PCNT: variants seen among roughly 807,000 people sequenced by gnomAD.
The protein encoded by PCNT is pericentrin, also known as kendrin.
Under a neutral mutation model 380.4 loss-of-function variants are expected in PCNT, and 319 were observed. The observed-to-expected ratio is 0.84, with a 90% CI of 0.77 to 0.92. The LOEUF (loss-of-function observed/expected upper bound fraction) is 0.92. Ranked by LOEUF, PCNT falls within the 40% of genes least tolerant of loss-of-function variation. The pLI is 0.00. For synonymous variants in PCNT, 1,845 were observed against 1,735.2 expected (o/e 1.06, Z -1.57); for missense variants, 4,400 against 4,255.3 (o/e 1.03, Z -0.95).
At chr21:46,408,875 C>T (rs1223135488) in intron 27 of PCNT, among the ~76,000 whole-genome samples, 1 of 151,500 alleles carries the variant, frequency 6.6e-6, no homozygotes, top group Non-Finnish European at 1.5e-5. Context: ...GGCGCCGCCA[C>T]CACACCCAGC....
intron 3 of PCNT, among the ~76,000 whole-genome samples, chr21:46,340,283 A>T (rs2083876686): frequency 6.6e-6 from 1 of 152,204 alleles, no homozygotes; most frequent in Non-Finnish European, 1.5e-5. Context: ...GGCCCCTCCC[A>T]TGACACGTGG....
At chr21:46,444,620 C>T in intron 45 of PCNT, 74 bp from the exon 46 acceptor site, 1 of 1,552,262 alleles carries the variant, frequency 6.4e-7, no homozygotes. Flanking sequence ...CACTCAGTCA[C>T]CATGGCTCCG....
chr21:46,397,557 C>G lies in PCNT; in HGVS notation c.4446+63C>G, dbSNP rs925049027. The G allele has an allele frequency of 3.0e-6, 4 of 1,347,464 alleles. No homozygotes were observed. In the African/African-American group the frequency reaches 4.3e-5, roughly 14 times the overall value. The allele number at this position is 1,347,464 out of a possible 1,614,324, so 83.5% of individuals were successfully genotyped here. A position where few individuals can be genotyped will look rare whatever the true frequency, so the allele number is the denominator to read the frequency against. ...AAAGTTGCCGTTACAGCATGAACTT[C>G]TTTCCAGATCGTTACGTAAGCTTCT... On this transcript the variant is annotated intron_variant, in intron 22 of 46. Coordinates refer to ENST00000359568, the MANE Select transcript of PCNT (RefSeq NM_006031.6).
chr21:46,349,859 A>T, intron 8 of PCNT, 39 bp downstream of exon 8: 1 of 1,601,860 alleles, frequency 6.2e-7, no homozygotes, highest in Non-Finnish European at 8.6e-7. Context: ...TTGGTATATT[A>T]GGGAAGTTTT....
chr21:46,428,215 A>G (rs1204950503), intron 34 of PCNT, among the ~76,000 whole-genome samples, 180 bp from the exon 35 acceptor site: 2 of 152,210 alleles, frequency 1.3e-5, no homozygotes, highest in Non-Finnish European at 2.9e-5. Flanking sequence ...CACGCAGGGT[A>G]GTGCAGCCCA....
chr21:46,407,738 T>C (rs760544525), intron 27 of PCNT, among the ~76,000 whole-genome samples: 77 of 152,232 alleles, frequency 5.1e-4, no homozygotes, highest in Non-Finnish European at 9.3e-4. Context: ...CTCCTTTTAT[T>C]CCTGATATTA....
At chr21:46,379,316 G>A (rs1359217728) in intron 15 of PCNT, among the ~76,000 whole-genome samples, 4 of 152,022 alleles carry the variant, frequency 2.6e-5, no homozygotes, top group African/African-American at 7.2e-5. Context: ...GTCGTGAGCC[G>A]CACCCATCTT....
At position 46,380,145 on chromosome 21, in the gene PCNT, A is replaced by ATTTTTTTTT. The variant is rs552854585; in HGVS notation, c.3166-1519_3166-1511dup. ...GTTTCCAACCGGTGCCCTGGGGTAG[A>ATTTTTTTTT]TTTTTTTTTTTTTTTTTTTTTTTTT... On this transcript the variant is annotated intron_variant, in intron 15 of 46. Transcript: ENST00000359568. 8.4e-5 allele frequency among the ~76,000 whole-genome samples: 5 copies of ATTTTTTTTT among 59,712 alleles called. 1 individual carries two copies. The highest frequency in any genetic ancestry group is 1.4e-4 in the Non-Finnish European group (5 of 34,980). The allele number at this position is 59,712 out of a possible 152,430, so 39.2% of individuals were successfully genotyped here.
At position 46,381,730 on chromosome 21, in the gene PCNT, GA is replaced by G; in HGVS notation, c.3207del (p.Glu1070ArgfsTer36). On this transcript the variant is annotated frameshift_variant, in exon 16 of 47. Coordinates refer to ENST00000359568, the MANE Select transcript of PCNT (RefSeq NM_006031.6). LOFTEE classifies it high-confidence loss of function. ...FGSEKKTALH[E>X]KEETLRLQSA... ...AAGTGAAAAGAAAACTGCTTTGCAT[GA>G]AAAAGAGGAGACACTTCGGCTTCAG... is the stretch of plus-strand genomic sequence containing the variant. The G allele has an allele frequency of 6.2e-7, 1 of 1,614,140 alleles. No homozygotes were observed. The highest frequency in any genetic ancestry group is 8.5e-7 in the Non-Finnish European group (1 of 1,179,956).
intron 31 of PCNT, among the ~76,000 whole-genome samples, chr21:46,421,708 G>C (rs908778403): frequency 6.6e-6 from 1 of 152,234 alleles, no homozygotes; most frequent in Non-Finnish European, 1.5e-5. Flanking sequence ...GGTCCCCTAA[G>C]ATTGGCGCTG....
rs1722483800 is a variant in PCNT, at chr21:46,389,363, A to T, written c.3772A>T (p.Arg1258Trp). The T allele has an allele frequency of 6.2e-7, 1 of 1,614,176 alleles. No individual in the cohort carries two copies. Among genetic ancestry groups the T allele is most frequent in the Admixed American group, 1.7e-5 (1 of 60,024 alleles). Residue 1258 changes from arginine (R) to tryptophan (W), a missense_variant, in exon 19 of 47, where the codon AGG becomes TGG. Physicochemically the swap from Arg to Trp is moderately radical, Grantham distance 101. Coordinates refer to ENST00000359568, the MANE Select transcript of PCNT (RefSeq NM_006031.6). Reference protein sequence around the residue: ...SVRECEQPIRRVFQSLSLAVD... With the variant: ...SVRECEQPIRWVFQSLSLAVD... The stretch of plus-strand genomic sequence containing the variant: ...GCGGGAGTGTGAGCAGCCCATCCGG[A>T]GGGTCTTCCAGAGCCTCAGCCTGGC...
intron 8 of PCNT, among the ~76,000 whole-genome samples, 156 bp from the exon 9 acceptor site, chr21:46,351,273 G>A (rs2084257607): frequency 6.6e-6 from 1 of 152,156 alleles, no homozygotes; most frequent in African/African-American, 2.4e-5. Flanking sequence ...GAGCTCTCTC[G>A]GTCTCTGCTG....
At chr21:46,333,799 C>T (rs1261232447) in intron 2 of PCNT, among the ~76,000 whole-genome samples, 2 of 149,094 alleles carry the variant, frequency 1.3e-5, no homozygotes, top group Non-Finnish European at 3.0e-5. Flanking sequence ...GTTCGTGCAA[C>T]TGCATTGCAG....
In PCNT at chr21:46,388,941, GGA is replaced by G; in HGVS notation, c.3607+59_3607+60del. ...GTGCTTGCAGCCCCTCTGTGGTCCT[GGA>G]GCTCTCTGAGAGGAGCCTCCGTATT... On this transcript the variant is annotated intron_variant, in intron 18 of 46. Transcript: ENST00000359568. This position sits in a 1 kb window ranked among gnomAD's most constrained non-coding sequence, Gnocchi z 4.2. 1 of 1,543,936 alleles carries G rather than the reference GGA, an allele frequency of 6.5e-7. No individual in the cohort carries two copies. The highest frequency in any genetic ancestry group is 1.9e-5 in the Admixed American group (1 of 51,510).
chr21:46,336,846 C>T (rs2083752885), intron 3 of PCNT, among the ~76,000 whole-genome samples: 1 of 151,462 alleles, frequency 6.6e-6, no homozygotes, highest in East Asian at 1.9e-4. Context: ...ACTGATACCT[C>T]AGAGCCTAAT....
chr21:46,419,084 T>C (rs948078507), intron 31 of PCNT, among the ~76,000 whole-genome samples: 2 of 152,222 alleles, frequency 1.3e-5, no homozygotes, highest in African/African-American at 4.8e-5. Flanking sequence ...TCATAACTTT[T>C]TCTATAATTG....
At chr21:46,440,057 A>G (rs758040641) in intron 41 of PCNT, 26 bp from the exon 42 acceptor site, 136 of 1,613,630 alleles carry the variant, frequency 8.4e-5, no homozygotes, top group Non-Finnish European at 1.1e-4. Flanking sequence ...AGCTCTGTAG[A>G]CAGCGCTGGC....
chr21:46,426,021 G>GC, intron 33 of PCNT, 50 bp downstream of exon 33: 1 of 1,584,220 alleles, frequency 6.3e-7, no homozygotes. Context: ...TAAGGAGCTT[G>GC]TGGTAATGGC....
In PCNT at chr21:46,416,778, T is replaced by C. The variant is rs2087043411; in HGVS notation, c.6860T>C (p.Leu2287Pro). Residue 2287 changes from leucine (L) to proline (P), a missense_variant, in exon 30 of 47, where the codon CTG becomes CCG. By Grantham distance (98) the Leu-to-Pro change is moderately conservative. Coordinates refer to ENST00000359568, the MANE Select transcript of PCNT (RefSeq NM_006031.6). ...TCCCCAGGCGTGTCTGCAGCAGCGC[T>C]GGCACTGCAGTGGGCCGAGTCTCCG... ...LCSPGVSAAA[L>P]ALQWAESPPA... The C allele has an allele frequency of 1.9e-6, 3 of 1,603,326 alleles. No individual in the cohort carries two copies. The highest frequency in any genetic ancestry group is 2.7e-5 in the African/African-American group (2 of 75,004).
Sources: gnomAD v4.1 joint callset for allele counts (sites outside exome capture counted in the v4.1 genomes callset) on GRCh38, gnomAD v4.1.1 for gene constraint, Gnocchi (gnomAD v3.1) non-coding constraint, MANE v1.5 for transcripts, NCBI Gene and HGNC (gene_info 2026-07-23, HGNC 2026-07-21) for gene names.